The following PITPNC1 variants were observed in gnomAD, a reference collection of about 807,000 sequenced individuals.
The protein encoded by PITPNC1 is phosphatidylinositol transfer protein cytoplasmic 1, also known as cytoplasmic phosphatidylinositol transfer protein 1.
PITPNC1 carries 18 observed loss-of-function variants against 44.7 expected under a neutral mutation model. That is an observed-to-expected ratio of 0.40 (90% confidence interval 0.28 to 0.60). The LOEUF (loss-of-function observed/expected upper bound fraction) is 0.60. Among genes scored for constraint, PITPNC1 ranks in the 20% least tolerant of loss-of-function variants. The pLI is 0.39. For missense variants in PITPNC1, 290 were observed against 418.4 expected (o/e 0.69, Z 2.68); for synonymous variants, 141 against 149.6 (o/e 0.94, Z 0.42).
At chr17:67,445,982 T>G (rs1461330529) in intron 1 of PITPNC1, among the ~76,000 whole-genome samples, 1 of 152,000 alleles carries the variant, frequency 6.6e-6, no homozygotes, top group Admixed American at 6.6e-5. Flanking sequence ...AATCTCACTC[T>G]GTCGCCCAGG....
chr17:67,525,881 TTC>T (rs2040385723), intron 1 of PITPNC1, among the ~76,000 whole-genome samples: 1 of 152,216 alleles, frequency 6.6e-6, no homozygotes, highest in Admixed American at 6.5e-5. Context: ...TCACACACGT[TTC>T]ACAGCTGGGT....
In PITPNC1 at chr17:67,508,462, C is replaced by T. The variant is rs984752330; in HGVS notation, c.49-24340C>T. 6.6e-6 allele frequency among the ~76,000 whole-genome samples: 1 copy of T among 152,128 alleles called. No individual in the cohort carries two copies. The highest frequency in any genetic ancestry group is 1.5e-5 in the Non-Finnish European group (1 of 68,028). ...TCTGGTGGGAGTGTAGCAGTGAGGA[C>T]GACCAGAGGTCACTCCTGTCGCCAT... On this transcript the variant is annotated intron_variant, in intron 1 of 8. Transcript: ENST00000581322. This position sits in a 1 kb window ranked among gnomAD's most constrained non-coding sequence, Gnocchi z 4.2.
At chr17:67,443,338 G>A (rs1271822594) in intron 1 of PITPNC1, among the ~76,000 whole-genome samples, 2 of 151,824 alleles carry the variant, frequency 1.3e-5, no homozygotes, top group African/African-American at 4.8e-5. Flanking sequence ...CTGACTGGCT[G>A]GGCAGACTTC....
rs570056584 is a variant in PITPNC1 at position 67,436,912 on chromosome 17, T to G, written c.48+58710T>G. On this transcript the variant is annotated intron_variant, in intron 1 of 8. Transcript: ENST00000581322. Reference sequence around the variant, plus strand: ...ATTGTATTTGAAAATAGGGGTGTTTTTTTTTTTTTTTTTTTTTTTTTTTTG... The same window carrying G: ...ATTGTATTTGAAAATAGGGGTGTTTGTTTTTTTTTTTTTTTTTTTTTTTTG... 9.6e-3 allele frequency among the ~76,000 whole-genome samples: 1,129 copies of G among 118,160 alleles called. 20 individuals carry two copies. Among genetic ancestry groups the G allele is most frequent in the Non-Finnish European group, 0.013 (721 of 54,950 alleles). The allele number at this position is 118,160 out of a possible 152,430, so 77.5% of individuals were successfully genotyped here.
chr17:67,631,875 C>T (rs747500200), intron 5 of PITPNC1, among the ~76,000 whole-genome samples: 7 of 149,020 alleles, frequency 4.7e-5, no homozygotes, highest in Non-Finnish European at 8.9e-5. Context: ...GATTAATTTC[C>T]TCACTCTTGA....
At chr17:67,442,456 G>C (rs976449966) in intron 1 of PITPNC1, among the ~76,000 whole-genome samples, 1 of 151,094 alleles carries the variant, frequency 6.6e-6, no homozygotes, top group Admixed American at 6.7e-5. Context: ...GAAGAAGGCA[G>C]GGCCCTAAAA....
intron 1 of PITPNC1, among the ~76,000 whole-genome samples, chr17:67,430,318 C>A (rs965017747): frequency 6.6e-6 from 1 of 151,284 alleles, no homozygotes; most frequent in African/African-American, 2.4e-5. Flanking sequence ...CCAGCCTGGC[C>A]AACGTGGTGA....
chr17:67,429,212 G>T (rs1431112916), intron 1 of PITPNC1, among the ~76,000 whole-genome samples: 4 of 151,874 alleles, frequency 2.6e-5, no homozygotes, highest in African/African-American at 7.3e-5. Context: ...AAGGAAGAAA[G>T]AAAAAAAGAA....
In PITPNC1 at chr17:67,408,243, T is replaced by C. The variant is rs185238139; in HGVS notation, c.48+30041T>C. Among the ~76,000 whole-genome samples, 200 of 152,326 alleles carry C rather than the reference T, an allele frequency of 1.3e-3. 1 individual carries two copies. In the South Asian group the frequency reaches 0.016, roughly 12 times the overall value. On this transcript the variant is annotated intron_variant, in intron 1 of 8. Coordinates refer to ENST00000581322, the MANE Select transcript of PITPNC1 (RefSeq NM_012417.4). The stretch of plus-strand genomic sequence containing the variant: ...TACTAGGATTACAAGTGTGAGCCAC[T>C]GTGCCTGGCCTAGGATCAACATTTT...
At chr17:67,631,633 AC>A (rs771346921) in intron 5 of PITPNC1, among the ~76,000 whole-genome samples, 1,563 of 13,864 alleles carry the variant, frequency 0.11, 589 homozygotes, top group Admixed American at 0.24. Context: ...CGTCTCAAAA[AC>A]CAAAAAAAAA....
At chr17:67,593,408 T>A (rs893365122) in intron 5 of PITPNC1, among the ~76,000 whole-genome samples, 8 of 152,008 alleles carry the variant, frequency 5.3e-5, no homozygotes, top group Admixed American at 3.9e-4. Flanking sequence ...TTTTGTTTTG[T>A]TTTCTTTTTT....
chr17:67,441,277 GCCCCCCCC>G (rs34717379), intron 1 of PITPNC1, among the ~76,000 whole-genome samples: 1 of 146,898 alleles, frequency 6.8e-6, no homozygotes, highest in Non-Finnish European at 1.5e-5. Context: ...TATTTATTAA[GCCCCCCCC>G]CGCCACCCAT....
chr17:67,408,922 C>G (rs914853261), intron 1 of PITPNC1: 1 of 152,062 alleles, frequency 6.6e-6, no homozygotes, highest in Non-Finnish European at 1.5e-5. Context: ...GGTTTAACAT[C>G]TAAGAAAACA....
intron 1 of PITPNC1, among the ~76,000 whole-genome samples, chr17:67,459,153 T>C (rs1012335327): frequency 6.7e-6 from 1 of 149,836 alleles, no homozygotes; most frequent in African/African-American, 2.5e-5. Context: ...GTTTTGCTCT[T>C]GTCGCCCAGG....
chr17:67,400,949 T>C (rs1030243416), intron 1 of PITPNC1, among the ~76,000 whole-genome samples: 1 of 151,916 alleles, frequency 6.6e-6, no homozygotes, highest in Non-Finnish European at 1.5e-5. Flanking sequence ...GGAGATGGTG[T>C]CTCACTCTGT....
At position 67,536,681 on chromosome 17, in the gene PITPNC1, A is replaced by G. The variant is rs1195993373; in HGVS notation, c.197+3731A>G. 2.0e-5 allele frequency among the ~76,000 whole-genome samples: 3 copies of G among 152,212 alleles called. No homozygotes were observed. The East Asian group carries it at 5.8e-4, about 29-fold the overall frequency. On this transcript the variant is annotated intron_variant, in intron 2 of 8. Coordinates refer to ENST00000581322, the MANE Select transcript of PITPNC1 (RefSeq NM_012417.4). ...GAGAAGCCTACAAAAAGCATGATAA[A>G]TAGAAAACACAAATTTGGATGGTAA... is the stretch of plus-strand genomic sequence containing the variant.
chr17:67,428,538 G>GA (rs1218683922), intron 1 of PITPNC1, among the ~76,000 whole-genome samples: 1,350 of 89,570 alleles, frequency 0.015, 12 homozygotes, highest in African/African-American at 0.044. Context: ...ATCTCAAAAA[G>GA]AAAAAAAAAA....
At chr17:67,531,900 C>T (rs1283360515) in intron 1 of PITPNC1, among the ~76,000 whole-genome samples, 1 of 152,166 alleles carries the variant, frequency 6.6e-6, no homozygotes, top group Admixed American at 6.5e-5. Flanking sequence ...TTCCTCTCTC[C>T]CCCTCCCCTC....
chr17:67,486,849 G>A (rs1479173179), intron 1 of PITPNC1, among the ~76,000 whole-genome samples: 4 of 152,058 alleles, frequency 2.6e-5, no homozygotes, highest in South Asian at 4.2e-4. Context: ...GAGGCCAGAC[G>A]TGGTGAAACC....
Sources: gnomAD v4.1 joint callset for allele counts (sites outside exome capture counted in the v4.1 genomes callset) on GRCh38, gnomAD v4.1.1 for gene constraint, Gnocchi (gnomAD v3.1) non-coding constraint, MANE v1.5 for transcripts, NCBI Gene and HGNC (gene_info 2026-07-23, HGNC 2026-07-21) for gene names.